Variants in ERICH1 observed in about 807,000 individuals in gnomAD.
ERICH1 encodes the protein glutamate-rich protein 1.
In ERICH1, 56 loss-of-function variants were observed where a neutral mutation model predicts 39.6. The observed-to-expected ratio is 1.41, with a 90% CI of 1.14 to 1.77. The LOEUF (loss-of-function observed/expected upper bound fraction) is 1.77, where lower values mean the gene tolerates loss of function less well. Among genes scored for constraint, ERICH1 ranks in the 40% most tolerant of loss-of-function variants. The pLI is 0.00. For missense variants in ERICH1, 826 were observed against 575.4 expected (o/e 1.44, Z -4.45); for synonymous variants, 313 against 223.6 (o/e 1.40, Z -3.57).
intron 1 of ERICH1, among the ~76,000 whole-genome samples, chr8:718,281 G>C (rs978665004): frequency 1.3e-5 from 2 of 152,152 alleles, no homozygotes; most frequent in African/African-American, 4.8e-5. Flanking sequence ...GTACGGATTG[G>C]AGCGCACTGA....
intron 5 of ERICH1, chr8:666,081 T>G (rs1375418820): frequency 1.3e-5 from 2 of 152,228 alleles, no homozygotes; most frequent in Non-Finnish European, 2.9e-5. Flanking sequence ...GAGTCCTTTC[T>G]TAGAGAAAAC....
chr8:668,552 T>C (rs1024814841), intron 5 of ERICH1, 46 bp downstream of exon 5: 7 of 1,608,154 alleles, frequency 4.4e-6, no homozygotes, highest in South Asian at 1.1e-5. Context: ...CAAACCTCGA[T>C]GAGAGTATCT....
Position 673,548 on chromosome 8 carries a change from G to T in ERICH1, c.804C>A (p.Asp268Glu). The T allele has an allele frequency of 1.2e-6, 2 of 1,603,872 alleles. No individual in the cohort carries two copies. Among genetic ancestry groups the T allele is most frequent in the Non-Finnish European group, 8.5e-7 (1 of 1,177,272 alleles). Residue 268 changes from aspartate (D) to glutamate (E), a missense_variant, in exon 4 of 6, where the codon GAC becomes GAA. Coordinates refer to ENST00000262109, the MANE Select transcript of ERICH1 (RefSeq NM_207332.3). ...PTPAGEEDVK[D>E]AREEDGVDTI... is the part of the protein sequence containing the mutation. ...TGTCCACACCGTCCTCCTCCCTGGC[G>T]TCTTTAACGTCTTCCTCCCCGGCCG...
intron 3 of ERICH1, among the ~76,000 whole-genome samples, chr8:630,010 A>T (rs1281387576): frequency 3.1e-4 from 42 of 133,682 alleles, no homozygotes; most frequent in Non-Finnish European, 5.0e-4. Flanking sequence ...GCACCCACAC[A>T]GACAAAGCTG....
chr8:728,468 G>A (rs538883359), intron 1 of ERICH1, among the ~76,000 whole-genome samples: 15 of 152,294 alleles, frequency 9.8e-5, no homozygotes, highest in Middle Eastern at 3.4e-3. Flanking sequence ...CGAGGAGCAC[G>A]CAGTCCCTGG....
At chr8:731,104 G>C (rs1411289534) in intron 1 of ERICH1, 36 bp downstream of exon 1, 6 of 1,453,380 alleles carry the variant, frequency 4.1e-6, no homozygotes, top group Non-Finnish European at 5.5e-6. Context: ...AGCCGGGTCT[G>C]GGGTCTGGGC....
At chr8:621,538 G>A (rs1227458276) in intron 3 of ERICH1, among the ~76,000 whole-genome samples, 1 of 151,486 alleles carries the variant, frequency 6.6e-6, no homozygotes, top group Non-Finnish European at 1.5e-5. Context: ...ATTAAAAAGA[G>A]AAAGGAGATA....
At chr8:615,314 G>A (rs966864329) in intron 3 of ERICH1, 6 of 653,762 alleles carry the variant, frequency 9.2e-6, no homozygotes, top group Non-Finnish European at 1.4e-5. Flanking sequence ...GAGATCAGTT[G>A]TGTTCATCAT....
At chr8:630,236 A>G (rs1285928982) in intron 3 of ERICH1, among the ~76,000 whole-genome samples, 3 of 138,096 alleles carry the variant, frequency 2.2e-5, no homozygotes, top group South Asian at 2.3e-4. Flanking sequence ...CCACCCACAC[A>G]GACAGAGCTG....
At chr8:723,504 C>T (rs535295179) in intron 1 of ERICH1, among the ~76,000 whole-genome samples, 1 of 152,214 alleles carries the variant, frequency 6.6e-6, no homozygotes. Context: ...CTTCACCTGT[C>T]ATATTAGAGA....
chr8:695,400 C>A (rs1195372619), intron 2 of ERICH1, among the ~76,000 whole-genome samples: 1 of 152,088 alleles, frequency 6.6e-6, no homozygotes, highest in Non-Finnish European at 1.5e-5. Context: ...GTGAGCAAAA[C>A]CTGCATCTGA....
intron 3 of ERICH1, among the ~76,000 whole-genome samples, chr8:651,348 A>G (rs1056929945): frequency 3.9e-5 from 6 of 152,164 alleles, no homozygotes; most frequent in African/African-American, 1.4e-4. Flanking sequence ...TACTAATTCT[A>G]ATTTTGCAAT....
chr8:666,004 A>G (rs984318563), intron 5 of ERICH1: 3 of 145,198 alleles, frequency 2.1e-5, no homozygotes, highest in African/African-American at 4.9e-5. Flanking sequence ...CATTGTTTGT[A>G]AAATTTTATT....
chr8:701,357 C>T (rs1157171286), intron 2 of ERICH1, among the ~76,000 whole-genome samples: 1 of 152,050 alleles, frequency 6.6e-6, no homozygotes, highest in Non-Finnish European at 1.5e-5. Flanking sequence ...CACGGGTCTA[C>T]CCTGCTGGAC....
At chr8:665,811 G>T (rs549343528) in intron 5 of ERICH1, among the ~76,000 whole-genome samples, 1 of 152,198 alleles carries the variant, frequency 6.6e-6, no homozygotes, top group Non-Finnish European at 1.5e-5. Context: ...CAGAGGAGAC[G>T]TGACCAGCAG....
At chr8:632,026 C>T (rs886635727) in intron 3 of ERICH1, among the ~76,000 whole-genome samples, 9 of 152,162 alleles carry the variant, frequency 5.9e-5, no homozygotes, top group African/African-American at 1.2e-4. Context: ...GCACCACAGC[C>T]GGAATAGACT....
At position 615,239 on chromosome 8, in the gene ERICH1, C is replaced by T. The variant is rs914580054; in HGVS notation, c.1022G>A (p.Arg341Lys). ...CACAGCTGGTTAAGGCAGCCCCTCTCTCTTTCCTCTTCTTATTTTCTTGGC... is the reference window on the plus strand; with the variant it reads ...CACAGCTGGTTAAGGCAGCCCCTCTTTCTTTCCTCTTCTTATTTTCTTGGC... Residue 341 changes from arginine (R) to lysine (K), a missense_variant, in exon 4 of 4, where the codon AGA becomes AAA. By Grantham distance (26) the Arg-to-Lys change is conservative (BLOSUM62 2). Transcript: ENST00000522706. 7 of 696,866 alleles carry T rather than the reference C, an allele frequency of 1.0e-5. No individual in the cohort carries two copies. In the African/African-American group the frequency reaches 1.1e-4, roughly 10 times the overall value. The allele number at this position is 696,866 out of a possible 1,614,324, so 43.2% of individuals were successfully genotyped here.
chr8:637,775 G>C (rs906984409), intron 3 of ERICH1, among the ~76,000 whole-genome samples: 20 of 152,208 alleles, frequency 1.3e-4, no homozygotes, highest in Non-Finnish European at 2.9e-5. Flanking sequence ...TGCTCAGTTG[G>C]GGAGTGGAGC....
chr8:618,992 T>C (rs1055821936), intron 3 of ERICH1, among the ~76,000 whole-genome samples: 3 of 152,130 alleles, frequency 2.0e-5, no homozygotes, highest in Admixed American at 6.5e-5. Context: ...ATACGCAGAA[T>C]GAAAAACTAT....
Sources: gnomAD v4.1 joint callset for allele counts (sites outside exome capture counted in the v4.1 genomes callset) on GRCh38, gnomAD v4.1.1 for gene constraint, MANE v1.5 for transcripts, NCBI Gene and HGNC (gene_info 2026-07-23, HGNC 2026-07-21) for gene names.